Variants in FABP6 observed in about 807,000 individuals in gnomAD.
The protein encoded by FABP6 is gastrotropin.
In FABP6, 13 loss-of-function variants were observed where a neutral mutation model predicts 14.9. The observed-to-expected ratio is 0.87, with a 90% CI of 0.57 to 1.39. The LOEUF is 1.39. Ranked by LOEUF, FABP6 falls within the 40% of genes most tolerant of loss-of-function variation. FABP6 has a pLI of 0.00. For missense variants in FABP6, 161 were observed against 167.2 expected (o/e 0.96, Z 0.20); for synonymous variants, 75 against 63.6 (o/e 1.18, Z -0.85).
At position 160,238,679 on chromosome 5, in the gene FABP6, G is replaced by A. The variant is rs1478431750; in HGVS notation, c.*20G>A. 6.2e-7 allele frequency: 1 copy of A among 1,613,178 alleles called. No homozygotes were observed. Among genetic ancestry groups the A allele is most frequent in the South Asian group, 1.1e-5 (1 of 91,038 alleles). On this transcript the variant is annotated 3_prime_UTR_variant, in exon 4 of 4. Transcript: ENST00000402432. ...GCCTAAGCAGCCAGGCCCGGCCCAG[G>A]GAGCTACAAACCCACCAATAAAACT...
chr5:160,193,291 G>C (rs1054880110), intron 1 of FABP6, among the ~76,000 whole-genome samples: 2 of 152,124 alleles, frequency 1.3e-5, no homozygotes, highest in African/African-American at 2.4e-5. Flanking sequence ...TGGGCTCGTG[G>C]TCTCGCTGGC....
chr5:160,200,204 C>T (rs887908855), intron 2 of FABP6, among the ~76,000 whole-genome samples: 3 of 152,202 alleles, frequency 2.0e-5, no homozygotes, highest in Non-Finnish European at 4.4e-5. Context: ...GGAGAACACA[C>T]ATGCAACATG....
At chr5:160,208,093 A>G (rs1277631622) in intron 2 of FABP6, among the ~76,000 whole-genome samples, 1 of 151,948 alleles carries the variant, frequency 6.6e-6, no homozygotes, top group Non-Finnish European at 1.5e-5. Flanking sequence ...AATTTTATGC[A>G]TTTTTCTGAA....
In FABP6 at chr5:160,230,035, G is replaced by C. The variant is rs759786160; in HGVS notation, c.67+411G>C. Among the ~76,000 whole-genome samples the C allele has an allele frequency of 2.8e-4, 15 of 53,962 alleles. No individual in the cohort carries two copies. The Admixed American group carries it at 4.2e-3, about 15-fold the overall frequency. 35.4% of individuals were successfully genotyped at this position (53,962 alleles called of 152,430 possible). A position where few individuals can be genotyped will look rare whatever the true frequency, so the allele number is the denominator to read the frequency against. ...ATTACAGGTGTGCACCACCACGCCCGGCTAATTTTTTTTTTTTGTATTTTT... is the reference window on the plus strand; with the variant it reads ...ATTACAGGTGTGCACCACCACGCCCCGCTAATTTTTTTTTTTTGTATTTTT... On this transcript the variant is annotated intron_variant, in intron 1 of 3. Transcript: ENST00000402432.
At chr5:160,199,208 C>T in intron 2 of FABP6, 1 of 1,599,676 alleles carries the variant, frequency 6.3e-7, no homozygotes, top group Non-Finnish European at 8.6e-7. Context: ...GAAAGGATGA[C>T]CCAGGTCACA....
At chr5:160,187,954 G>C (rs929195033) in intron 1 of FABP6, among the ~76,000 whole-genome samples, 1 of 152,166 alleles carries the variant, frequency 6.6e-6, no homozygotes, top group East Asian at 1.9e-4. Context: ...GTTTCTCCAT[G>C]TTGGTCAGGC....
intron 1 of FABP6, among the ~76,000 whole-genome samples, chr5:160,193,590 C>G (rs1236719448): frequency 6.6e-6 from 1 of 152,100 alleles, no homozygotes; most frequent in East Asian, 1.9e-4. Flanking sequence ...AGGTTCTCCT[C>G]ATCCCCATCA....
chr5:160,222,095 C>CTTT lies in FABP6; in HGVS notation c.136-7436_136-7434dup, dbSNP rs202190021. Among the ~76,000 whole-genome samples, 119 of 130,320 alleles carry CTTT rather than the reference C, an allele frequency of 9.1e-4. 1 individual carries two copies. Among genetic ancestry groups the CTTT allele is most frequent in the South Asian group, 1.7e-3 (7 of 4,172 alleles). 85.5% of individuals were successfully genotyped at this position (130,320 alleles called of 152,430 possible). A position where few individuals can be genotyped will look rare whatever the true frequency, so the allele number is the denominator to read the frequency against. ...TTGTTCTTTCCAAATTTTTTCTTTT[C>CTTT]TTTTTTTTTTTTTTTTTAGACAGGG... On this transcript the variant is annotated intron_variant, in intron 3 of 6. Coordinates refer to the FABP6 transcript ENST00000393980.
chr5:160,210,854 G>C (rs1041022013), intron 2 of FABP6, among the ~76,000 whole-genome samples: 1 of 152,306 alleles, frequency 6.6e-6, no homozygotes, highest in African/African-American at 2.4e-5. Context: ...CACCAAATGA[G>C]TTCATTAGAA....
chr5:160,192,868 T>G (rs536859122), intron 1 of FABP6, among the ~76,000 whole-genome samples: 1 of 152,310 alleles, frequency 6.6e-6, no homozygotes, highest in South Asian at 2.1e-4. Flanking sequence ...TCCCAGCACT[T>G]TGGGAGGCTG....
exon 3 of FABP6, chr5:160,213,819 G>A (rs2113107414): frequency 6.2e-7 from 1 of 1,613,190 alleles, no homozygotes; most frequent in East Asian, 2.2e-5. Flanking sequence ...ATAAAGGAAA[G>A]GTATGGGGTA....
intron 1 of FABP6, among the ~76,000 whole-genome samples, chr5:160,191,801 A>G: frequency 1.5e-5 from 1 of 65,678 alleles, no homozygotes; most frequent in Admixed American, 1.5e-4. Flanking sequence ...CTCTACTAAA[A>G]ATACAAAAAA....
rs1760322357 is a variant in FABP6, at chr5:160,229,552, AGCAGCATGGCTTTCACCG to A, written c.-2_16del. ...TCTGCTCTCTGGCCTCCAGCCTCCCAGCAGCATGGCTTTCACCGGCAAGTTCGAGATGGAGAGTGAGAA... is the reference window on the plus strand; with the variant it reads ...TCTGCTCTCTGGCCTCCAGCCTCCCAGCAAGTTCGAGATGGAGAGTGAGAA... On this transcript the variant is annotated start_lost and 5_prime_UTR_variant, in exon 1 of 4. Coordinates refer to ENST00000402432, the MANE Select transcript of FABP6 (RefSeq NM_001445.3). The A allele has an allele frequency of 6.2e-7, 1 of 1,614,024 alleles. No homozygotes were observed. The highest frequency in any genetic ancestry group is 8.5e-7 in the Non-Finnish European group (1 of 1,179,916).
At chr5:160,205,395 C>T (rs1323089454) in intron 2 of FABP6, among the ~76,000 whole-genome samples, 2 of 151,234 alleles carry the variant, frequency 1.3e-5, no homozygotes, top group Non-Finnish European at 2.9e-5. Flanking sequence ...TGTTCAAAGT[C>T]GTGTACACTT....
chr5:160,219,336 G>A (rs1760082421), intron 3 of FABP6, among the ~76,000 whole-genome samples: 2 of 152,220 alleles, frequency 1.3e-5, no homozygotes, highest in African/African-American at 4.8e-5. Context: ...GAAAGCTGGG[G>A]TGGCCCAGGG....
chr5:160,236,700 G>A (rs1004460723), intron 3 of FABP6, among the ~76,000 whole-genome samples: 1 of 151,968 alleles, frequency 6.6e-6, no homozygotes, highest in African/African-American at 2.4e-5. Context: ...ATCTGGGTGT[G>A]GTGGCTCAAG....
At chr5:160,222,396 C>A (rs1279115300) in intron 3 of FABP6, among the ~76,000 whole-genome samples, 3 of 151,708 alleles carry the variant, frequency 2.0e-5, no homozygotes, top group African/African-American at 7.3e-5. Context: ...TGCAGTGGTA[C>A]CATCTCAGCT....
intron 1 of FABP6, among the ~76,000 whole-genome samples, chr5:160,191,687 C>T (rs967813093): frequency 2.0e-5 from 3 of 150,768 alleles, no homozygotes; most frequent in Non-Finnish European, 3.0e-5. Flanking sequence ...CTCGGCCGGG[C>T]GCGGTGGCTC....
chr5:160,201,290 C>T (rs1759633926), intron 2 of FABP6, among the ~76,000 whole-genome samples: 3 of 151,668 alleles, frequency 2.0e-5, no homozygotes, highest in African/African-American at 4.8e-5. Flanking sequence ...TCCAGGAGGT[C>T]GAGGCTGCAG....
Sources: allele counts gnomAD v4.1 joint callset (sites outside exome capture counted in the v4.1 genomes callset), GRCh38; gene constraint gnomAD v4.1.1; transcripts MANE v1.5; gene names NCBI Gene and HGNC (gene_info 2026-07-23, HGNC 2026-07-21).